Variants in EXT2 observed in about 807,000 individuals in gnomAD.
The protein encoded by EXT2 is exostosin-2.
A neutral mutation model predicts 81.6 loss-of-function variants in EXT2; 53 were observed. That is an observed-to-expected ratio of 0.65 (90% confidence interval 0.52 to 0.82). The LOEUF is 0.82. EXT2 is among the 40% of genes least tolerant of loss of function. The pLI is 0.00. For missense variants in EXT2, 774 were observed against 910.2 expected, an observed-to-expected ratio of 0.85 and a Z score of 1.93; for synonymous variants, 320 against 340.0, an observed-to-expected ratio of 0.94 and a Z score of 0.65.
At position 44,197,824 on chromosome 11, in the gene EXT2, T is replaced by A; in HGVS notation, c.1306-5T>A. The A allele has an allele frequency of 6.2e-7, 1 of 1,613,926 alleles. No homozygotes were observed. The highest frequency in any genetic ancestry group is 8.5e-7 in the Non-Finnish European group (1 of 1,179,912). On this transcript the variant is annotated splice_polypyrimidine_tract_variant and splice_region_variant and intron_variant, in intron 8 of 13. Coordinates refer to ENST00000533608, the MANE Select transcript of EXT2 (RefSeq NM_207122.2). ...TCTGACCCGTGTTAATCTGTCCTCT[T>A]GTAGAAGTGGGGCAGCGTGAGCAAT...
chr11:44,147,764 C>A (rs1483073511), intron 7 of EXT2, among the ~76,000 whole-genome samples: 1 of 126,452 alleles, frequency 7.9e-6, no homozygotes, highest in East Asian at 2.4e-4. Context: ...CCCCCTTGTA[C>A]TCCACATTGT....
chr11:44,106,991 G>A (rs896567254), intron 1 of EXT2, among the ~76,000 whole-genome samples: 3 of 152,154 alleles, frequency 2.0e-5, no homozygotes, highest in Non-Finnish European at 4.4e-5. Flanking sequence ...TTTATGTTAA[G>A]CAAGTGTTTT....
rs1001686549 is a variant in EXT2, at chr11:44,250,235, G to A, written c.*5948G>A. ...GTCCATCAGTGGCCCAGGACTCTAA[G>A]CATGTATGTTTTAGTCCCAGCTGTA... On this transcript the variant is annotated 3_prime_UTR_variant, in exon 14 of 14. Coordinates refer to ENST00000533608, the MANE Select transcript of EXT2 (RefSeq NM_207122.2). Among the ~76,000 whole-genome samples the A allele has an allele frequency of 1.3e-5, 2 of 152,192 alleles. No homozygotes were observed. Among genetic ancestry groups the A allele is most frequent in the African/African-American group, 4.8e-5 (2 of 41,436 alleles).
At chr11:44,123,266 A>G (rs1185732214) in intron 4 of EXT2, among the ~76,000 whole-genome samples, 2 of 152,220 alleles carry the variant, frequency 1.3e-5, no homozygotes, top group East Asian at 3.8e-4. Flanking sequence ...AACTAAGGAA[A>G]AGTAACAATT....
chr11:44,217,946 T>C (rs1220038485), intron 10 of EXT2, among the ~76,000 whole-genome samples: 3 of 152,232 alleles, frequency 2.0e-5, no homozygotes, highest in African/African-American at 7.2e-5. Context: ...GAAATGCTCT[T>C]GGCTAAGAAT....
At position 44,248,673 on chromosome 11, in the gene EXT2, G is replaced by A. The variant is rs1956115309; in HGVS notation, c.*4386G>A. On this transcript the variant is annotated 3_prime_UTR_variant, in exon 14 of 14. Coordinates refer to ENST00000533608, the MANE Select transcript of EXT2 (RefSeq NM_207122.2). The stretch of plus-strand genomic sequence containing the variant: ...GTGAGTTCATCTGAAGACTGGGTGA[G>A]GGCATTGTAAGCTCAAGCCACAGCC... 6.6e-6 allele frequency among the ~76,000 whole-genome samples: 1 copy of A among 152,174 alleles called. No homozygotes were observed. Among genetic ancestry groups the A allele is most frequent in the Admixed American group, 6.5e-5 (1 of 15,276 alleles).
At chr11:44,166,183 A>G (rs1337027465) in intron 7 of EXT2, among the ~76,000 whole-genome samples, 2 of 152,240 alleles carry the variant, frequency 1.3e-5, no homozygotes, top group Admixed American at 6.5e-5. Flanking sequence ...ATAGAACAGT[A>G]TATAACAACT....
chr11:44,217,644 G>A (rs1293670934), intron 10 of EXT2, among the ~76,000 whole-genome samples: 1 of 152,152 alleles, frequency 6.6e-6, no homozygotes, highest in Non-Finnish European at 1.5e-5. Flanking sequence ...GGGACTCCTA[G>A]GGGAACAGTA....
intron 8 of EXT2, among the ~76,000 whole-genome samples, chr11:44,176,254 G>T (rs1465678357): frequency 6.6e-6 from 1 of 152,098 alleles, no homozygotes; most frequent in Non-Finnish European, 1.5e-5. Flanking sequence ...AGCTCTAAGA[G>T]ATGTTTAATA....
intron 5 of EXT2, 99 bp downstream of exon 5, chr11:44,125,083 T>A: frequency 1.8e-6 from 2 of 1,119,928 alleles, no homozygotes; most frequent in Non-Finnish European, 2.7e-6. Context: ...AGCATGCAAC[T>A]AGAATTACCC....
intron 5 of EXT2, 49 bp downstream of exon 5, chr11:44,125,033 C>T: frequency 6.3e-7 from 1 of 1,586,392 alleles, no homozygotes; most frequent in South Asian, 1.1e-5. Context: ...AGTTTGCTTA[C>T]ATGGGTTAAA....
In EXT2 at chr11:44,209,448, A is replaced by G. The variant is rs77833532; in HGVS notation, c.1662+2489A>G. Among the ~76,000 whole-genome samples, 770 of 152,258 alleles carry G rather than the reference A, an allele frequency of 5.1e-3. 8 individuals are homozygous for G. Among genetic ancestry groups the G allele is most frequent in the East Asian group, 0.044 (228 of 5,190 alleles). On this transcript the variant is annotated intron_variant, in intron 10 of 13. Coordinates refer to ENST00000533608, the MANE Select transcript of EXT2 (RefSeq NM_207122.2). ...ATTCATGAACGAGATTGTTGTTTTC[A>G]TTATTCAGAAGGAACATTTCTATCT... is the stretch of plus-strand genomic sequence containing the variant.
chr11:44,150,260 G>A (rs1297631854), intron 7 of EXT2, among the ~76,000 whole-genome samples: 2 of 151,838 alleles, frequency 1.3e-5, no homozygotes, highest in African/African-American at 2.4e-5. Flanking sequence ...GGTCCATTTA[G>A]TATGGCACAG....
chr11:44,206,693 A>C, intron 9 of EXT2, 100 bp from the exon 10 acceptor site: 1 of 1,266,786 alleles, frequency 7.9e-7, no homozygotes, highest in East Asian at 2.4e-5. Context: ...AGCCGTGGAT[A>C]CAAGCTGATT....
At position 44,146,305 on chromosome 11, in the gene EXT2, A is replaced by G. The variant is rs1031404381; in HGVS notation, c.1173+16167A>G. 1.3e-4 allele frequency among the ~76,000 whole-genome samples: 20 copies of G among 152,186 alleles called. 1 individual carries two copies. Among genetic ancestry groups the G allele is most frequent in the Admixed American group, 1.3e-3 (20 of 15,278 alleles). On this transcript the variant is annotated intron_variant, in intron 7 of 13. Coordinates refer to ENST00000533608, the MANE Select transcript of EXT2 (RefSeq NM_207122.2). ...TGAGATGCTAGGGGTGAGGGTGTCAACATGTGAATTTGGGGTAGACAATTC... is the reference window on the plus strand; with the variant it reads ...TGAGATGCTAGGGGTGAGGGTGTCAGCATGTGAATTTGGGGTAGACAATTC...
At chr11:44,205,428 T>C (rs536184082) in intron 9 of EXT2, among the ~76,000 whole-genome samples, 1 of 152,326 alleles carries the variant, frequency 6.6e-6, no homozygotes, top group South Asian at 2.1e-4. Context: ...ACTGTTGATA[T>C]TGATGAAAAG....
chr11:44,107,836 A>G lies in EXT2; in HGVS notation c.124A>G (p.Met42Val), dbSNP rs4755779. The part of the protein sequence containing the change: ...IVLLGLIATG[M>V]FQFWPHSIES... ...CCTCCTGGGCCTCATTGCCACTGGCATGTTTCAGTTTTGGCCCCATTCTAT... is the reference window on the plus strand; with the variant it reads ...CCTCCTGGGCCTCATTGCCACTGGCGTGTTTCAGTTTTGGCCCCATTCTAT... Residue 42 changes from methionine to valine, a missense_variant, in exon 2 of 14, where the codon ATG (methionine) becomes GTG (valine). By Grantham distance (21) the Met-to-Val change is conservative. Around this residue, in one of 2 missense-constraint regions of EXT2, gnomAD observed 626 missense variants for 670.5 expected, o/e 0.93. Transcript: ENST00000533608. 2.5e-3 allele frequency: 4,048 copies of G among 1,614,112 alleles called. 92 individuals are homozygous for G. The African/African-American group carries it at 0.049, about 19-fold the overall frequency.
intron 7 of EXT2, among the ~76,000 whole-genome samples, chr11:44,161,339 A>C (rs1311066940): frequency 6.6e-6 from 1 of 152,150 alleles, no homozygotes; most frequent in African/African-American, 2.4e-5. Flanking sequence ...GTATGTTAAA[A>C]AATTGTAAGC....
chr11:44,130,557 C>G (rs967507493), intron 7 of EXT2, among the ~76,000 whole-genome samples: 1 of 152,166 alleles, frequency 6.6e-6, no homozygotes, highest in African/African-American at 2.4e-5. Flanking sequence ...CTTTGTAATT[C>G]GGGAATCCTT....
Sources: allele counts gnomAD v4.1 joint callset (sites outside exome capture counted in the v4.1 genomes callset), GRCh38; gene constraint gnomAD v4.1.1; regional missense constraint gnomAD v4.1.1; transcripts MANE v1.5; gene names NCBI Gene and HGNC (gene_info 2026-07-23, HGNC 2026-07-21).